PHF24: variants seen among roughly 807,000 people sequenced by gnomAD.
The protein encoded by PHF24 is PHD finger protein 24.
Under a neutral mutation model 42.6 loss-of-function variants are expected in PHF24, and 25 were observed. That is an observed-to-expected ratio of 0.59 (90% CI 0.43 to 0.82). PHF24 has a LOEUF of 0.82. Among genes scored for constraint, PHF24 ranks in the 40% least tolerant of loss-of-function variants. The probability of loss-of-function intolerance (pLI) is 0.00; values close to 1 mark genes in which losing one functional copy is unlikely to be tolerated. For synonymous variants in PHF24, 185 were observed against 204.8 expected, an observed-to-expected ratio of 0.90 and a Z score of 0.83; for missense variants, 470 against 538.1, an observed-to-expected ratio of 0.87 and a Z score of 1.25.
chr9:34,759,279 T>G, the PHF24 span, among the ~76,000 whole-genome samples: 14 of 152,170 alleles, frequency 9.2e-5, no homozygotes, highest in Non-Finnish European at 1.8e-4. Context: ...GGACCAGCTG[T>G]ACCCAATCCA....
chr9:34,745,385 AGT>A, the PHF24 span, among the ~76,000 whole-genome samples: 6 of 152,144 alleles, frequency 3.9e-5, no homozygotes, highest in Non-Finnish European at 7.4e-5. Context: ...GCTTCACTGG[AGT>A]GTGAGAAGTA....
At chr9:34,883,181 A>T in the PHF24 span, among the ~76,000 whole-genome samples, 1 of 152,170 alleles carries the variant, frequency 6.6e-6, no homozygotes, top group Non-Finnish European at 1.5e-5. Context: ...CTGAAACTGG[A>T]TCCCTTCCTT....
chr9:34,733,943 C>T, the PHF24 span, among the ~76,000 whole-genome samples: 1 of 151,712 alleles, frequency 6.6e-6, no homozygotes, highest in African/African-American at 2.4e-5. Flanking sequence ...TTAAGAATTA[C>T]ACTGAGGTAC....
At chr9:34,927,654 C>T in the PHF24 span, among the ~76,000 whole-genome samples, 5 of 152,252 alleles carry the variant, frequency 3.3e-5, no homozygotes, top group African/African-American at 1.2e-4. Context: ...TGACTCTGGG[C>T]ACATCCAATC....
the PHF24 span, among the ~76,000 whole-genome samples, chr9:34,740,811 A>C: frequency 6.6e-6 from 1 of 152,216 alleles, no homozygotes; most frequent in Non-Finnish European, 1.5e-5. Flanking sequence ...TGCTACCATT[A>C]AAAAGGATGA....
the PHF24 span, among the ~76,000 whole-genome samples, chr9:34,760,022 C>T: frequency 6.6e-6 from 1 of 152,136 alleles, no homozygotes. Context: ...ACAGCTAAGC[C>T]TGGCATTTCT....
the PHF24 span, among the ~76,000 whole-genome samples, chr9:34,814,221 A>G: frequency 2.4e-4 from 36 of 152,288 alleles, no homozygotes; most frequent in East Asian, 6.2e-3. Context: ...TAGGACTTCT[A>G]CTAGCACAAG....
At chr9:34,809,993 C>G in the PHF24 span, among the ~76,000 whole-genome samples, 3 of 150,562 alleles carry the variant, frequency 2.0e-5, no homozygotes, top group South Asian at 6.2e-4. The surrounding 1 kb of genome is among the most constrained non-coding windows in gnomAD (Gnocchi z 4.1). Context: ...CTCGCGTGGG[C>G]GCACGCGCCG....
chr9:34,869,211 A>C, the PHF24 span, among the ~76,000 whole-genome samples: 4 of 152,208 alleles, frequency 2.6e-5, no homozygotes, highest in African/African-American at 9.6e-5. Flanking sequence ...GCTGCAATGA[A>C]TATATGCATG....
At chr9:34,723,768 C>T in the PHF24 span, 23 of 1,551,586 alleles carry the variant, frequency 1.5e-5, no homozygotes, top group Admixed American at 7.8e-5. Flanking sequence ...ACAGTCTGGG[C>T]ATTCTCAGGA....
At chr9:34,697,571 C>A in the PHF24 span, among the ~76,000 whole-genome samples, 1 of 152,194 alleles carries the variant, frequency 6.6e-6, no homozygotes, top group Non-Finnish European at 1.5e-5. Flanking sequence ...CCACCTGCCT[C>A]GGCCTCCCAA....
chr9:34,812,166 A>G, the PHF24 span, among the ~76,000 whole-genome samples: 1 of 152,198 alleles, frequency 6.6e-6, no homozygotes, highest in Non-Finnish European at 1.5e-5. Context: ...TGAGCCTAGG[A>G]CTTTGAGATC....
chr9:34,691,611 G>T, the PHF24 span, among the ~76,000 whole-genome samples: 1 of 152,218 alleles, frequency 6.6e-6, no homozygotes, highest in Non-Finnish European at 1.5e-5. Context: ...CCACAGTGAG[G>T]AACTGTGCTC....
the PHF24 span, among the ~76,000 whole-genome samples, chr9:34,898,820 G>A: frequency 2.0e-5 from 3 of 152,122 alleles, no homozygotes; most frequent in African/African-American, 7.2e-5. Context: ...ACCTGCTTCT[G>A]CCAGTGCACT....
the PHF24 span, chr9:34,837,199 G>T: frequency 2.2e-6 from 1 of 458,672 alleles, no homozygotes; most frequent in South Asian, 1.6e-5. Flanking sequence ...GAGGAGGTTG[G>T]AGGCCTTTGA....
the PHF24 span, among the ~76,000 whole-genome samples, chr9:34,721,907 CA>C: frequency 6.6e-6 from 1 of 152,194 alleles, no homozygotes; most frequent in East Asian, 1.9e-4. Flanking sequence ...ATTCCACACT[CA>C]TCTTGTTTTC....
exon 8 of PHF24, chr9:34,979,680 G>A (rs1227947921): frequency 6.6e-6 from 1 of 152,258 alleles, no homozygotes; most frequent in Non-Finnish European, 1.5e-5. Context: ...GCTCGGTGCT[G>A]AATGTTTCGA....
the PHF24 span, among the ~76,000 whole-genome samples, chr9:34,930,168 A>G: frequency 6.6e-6 from 1 of 152,200 alleles, no homozygotes; most frequent in African/African-American, 2.4e-5. Flanking sequence ...TTAATTTCTC[A>G]GTGTCTGGGA....
the PHF24 span, among the ~76,000 whole-genome samples, chr9:34,911,083 G>A: frequency 0.034 from 5,160 of 151,788 alleles, 188 homozygotes; most frequent in East Asian, 0.21. Flanking sequence ...CTTGGCCTCC[G>A]AAAGTGCTGG....
Sources: allele counts gnomAD v4.1 joint callset (sites outside exome capture counted in the v4.1 genomes callset), GRCh38; gene constraint gnomAD v4.1.1; non-coding constraint Gnocchi (gnomAD v3.1); transcripts MANE v1.5; gene names NCBI Gene and HGNC (gene_info 2026-07-23, HGNC 2026-07-21).